The following TAF1 variants were observed in gnomAD, a reference collection of about 807,000 sequenced individuals.
TAF1 encodes transcription initiation factor TFIID subunit 1.
Under a neutral mutation model 138.5 loss-of-function variants are expected in TAF1, and 2 were observed. That is an observed-to-expected ratio of 0.01 (90% confidence interval 0.01 to 0.05). TAF1 has a LOEUF of 0.05. TAF1 is among the 10% of genes least tolerant of loss of function. TAF1 has a pLI of 1.00. For missense variants in TAF1, 709 were observed against 1,478.0 expected, an observed-to-expected ratio of 0.48 and a Z score of 8.53; for synonymous variants, 437 against 503.2, an observed-to-expected ratio of 0.87 and a Z score of 1.76.
intron 32 of TAF1, 143 bp downstream of exon 32, chrX:71,424,381 C>A: frequency 3.5e-6 from 1 of 289,234 alleles, no homozygotes; most frequent in Non-Finnish European, 5.8e-6. Context: ...GATCATAGTT[C>A]ACTGAACCAG....
chrX:71,506,362 C>T (rs368544185), intron 13 of TAF1, among the ~76,000 whole-genome samples: 78 of 99,545 alleles, frequency 7.8e-4, no homozygotes, highest in Middle Eastern at 5.2e-3. Flanking sequence ...CCAGCCTGGG[C>T]GACAGAGTGA....
intron 13 of TAF1, among the ~76,000 whole-genome samples, chrX:71,498,989 C>T (rs2039446119): frequency 9.0e-6 from 1 of 111,201 alleles, no homozygotes; most frequent in Non-Finnish European, 1.9e-5. Context: ...TTAAACATAC[C>T]CGGGGCTCAG....
At chrX:71,426,227 A>G (rs1268475999) in intron 32 of TAF1, among the ~76,000 whole-genome samples, 2 of 111,535 alleles carry the variant, frequency 1.8e-5, no homozygotes, top group Non-Finnish European at 3.8e-5. Context: ...GGCTCAAGCC[A>G]TCCTCCCATC....
rs909653743 is a variant in TAF1, at chrX:71,398,461, G to A, written c.3621-111G>A. On this transcript the variant is annotated intron_variant, in intron 23 of 37. Transcript: ENST00000423759. ...ATGGCATGTAGCCCCTTTTATCTTA[G>A]CCTGGATGGATTACTTTAGTCCTGA... 3 of 1,023,407 alleles carry A rather than the reference G, an allele frequency of 2.9e-6. No homozygotes were observed. In the African/African-American group the frequency reaches 5.7e-5, roughly 20 times the overall value. The allele number at this position is 1,023,407 out of a possible 1,213,427, so 84.3% of individuals were successfully genotyped here.
intron 29 of TAF1, among the ~76,000 whole-genome samples, chrX:71,422,395 TC>T (rs1334199452): frequency 9.3e-6 from 1 of 107,796 alleles, no homozygotes; most frequent in African/African-American, 3.4e-5. Flanking sequence ...TGACCTTGGC[TC>T]ACTGCAACCT....
At chrX:71,473,018 G>T (rs1023998145) in intron 13 of TAF1, among the ~76,000 whole-genome samples, 1 of 112,002 alleles carries the variant, frequency 8.9e-6, no homozygotes, top group African/African-American at 3.2e-5. Flanking sequence ...ATTTAGAAAG[G>T]GTTTTTTTTG....
At chrX:71,528,279 G>T in intron 13 of TAF1, 1 of 264,824 alleles carries the variant, frequency 3.8e-6, no homozygotes, top group Non-Finnish European at 7.0e-6. Context: ...TTATTTTGCA[G>T]GTTTTTTCAG....
intron 32 of TAF1, among the ~76,000 whole-genome samples, chrX:71,452,363 C>T (rs771384815): frequency 3.5e-3 from 375 of 107,901 alleles, no homozygotes; most frequent in African/African-American, 0.012. Context: ...CGGGCAGAGA[C>T]GCTCCTCACC....
chrX:71,402,464 C>G (rs2035230184), intron 25 of TAF1, among the ~76,000 whole-genome samples: 1 of 111,818 alleles, frequency 8.9e-6, no homozygotes, highest in Non-Finnish European at 1.9e-5. Context: ...GTCTCAAACT[C>G]TTGTCCTCAA....
intron 18 of TAF1, among the ~76,000 whole-genome samples, chrX:71,391,362 G>C (rs900671317): frequency 7.2e-5 from 8 of 110,886 alleles, no homozygotes; most frequent in Non-Finnish European, 1.3e-4. Context: ...TGAAAAATGA[G>C]TGGATATCTA....
At chrX:71,434,202 AAATT>A (rs1158779465) in intron 32 of TAF1, among the ~76,000 whole-genome samples, 1 of 111,789 alleles carries the variant, frequency 8.9e-6, no homozygotes, top group Non-Finnish European at 1.9e-5. Context: ...GTCTCTAAAA[AAATT>A]TTTTAAATTA....
At chrX:71,439,085 A>G (rs1327710322) in intron 32 of TAF1, among the ~76,000 whole-genome samples, 2 of 111,962 alleles carry the variant, frequency 1.8e-5, no homozygotes, top group Non-Finnish European at 3.8e-5. Context: ...TGATGACTCT[A>G]TTGTAGACAA....
In TAF1 at chrX:71,409,046, G is replaced by A. The variant is rs182416102; in HGVS notation, c.4384+895G>A. On this transcript the variant is annotated intron_variant, in intron 28 of 37. Coordinates refer to ENST00000423759, the MANE Select transcript of TAF1 (RefSeq NM_004606.5). ...AAAAAAAAAGAGAGAGAGACGTTCA[G>A]TGTGGATGGAACCTGTGTAGAGTAT... is the stretch of plus-strand genomic sequence containing the variant. Among the ~76,000 whole-genome samples the A allele has an allele frequency of 2.7e-5, 3 of 110,624 alleles. No individual in the cohort carries two copies. In the Admixed American group the frequency reaches 2.9e-4, roughly 11 times the overall value.
chrX:71,501,701 C>T (rs2039512832), intron 13 of TAF1, among the ~76,000 whole-genome samples: 1 of 110,386 alleles, frequency 9.1e-6, no homozygotes, highest in African/African-American at 3.3e-5. Flanking sequence ...AAAACTGACT[C>T]TCACAACTCT....
At chrX:71,467,598 A>G (rs1161321288), downstream of TAF1, among the ~76,000 whole-genome samples, 1 of 111,998 alleles carries the variant, frequency 8.9e-6, no homozygotes, top group African/African-American at 3.2e-5. Context: ...ATTAGGTTTA[A>G]CCATATGAAA....
At chrX:71,372,710 C>T (rs1158837654) in intron 3 of TAF1, among the ~76,000 whole-genome samples, 5 of 110,466 alleles carry the variant, frequency 4.5e-5, no homozygotes, top group African/African-American at 1.6e-4. Flanking sequence ...TGTTGTTAAA[C>T]CAGGCTTGCA....
rs770557068 is a variant in TAF1 at position 71,478,422 on chromosome X, G to A, written c.1366+17619G>A. 7.9e-4 allele frequency among the ~76,000 whole-genome samples: 87 copies of A among 110,584 alleles called. No individual in the cohort carries two copies. The Middle Eastern group carries it at 0.014, about 18-fold the overall frequency. The stretch of plus-strand genomic sequence containing the variant: ...CTGTAATCTCAATGCTTTGGGGGCC[G>A]AGGTAGGAGGATCACTTGAGCCCAG... On this transcript the variant is annotated intron_variant and NMD_transcript_variant, in intron 13 of 14. Transcript: ENST00000373775.
chrX:71,366,833 G>A (rs764251955), intron 1 of TAF1, among the ~76,000 whole-genome samples: 2 of 111,443 alleles, frequency 1.8e-5, no homozygotes, highest in South Asian at 7.5e-4. Flanking sequence ...TCTTGACACT[G>A]CCTGCCCCTC....
downstream of TAF1, among the ~76,000 whole-genome samples, chrX:71,470,424 C>T (rs1212504567): frequency 9.1e-6 from 1 of 109,373 alleles, no homozygotes; most frequent in African/African-American, 3.3e-5. Flanking sequence ...ATGTATTATG[C>T]GCATATATAT....
Sources: gnomAD v4.1 joint callset for allele counts (sites outside exome capture counted in the v4.1 genomes callset) on GRCh38, gnomAD v4.1.1 for gene constraint, MANE v1.5 for transcripts, NCBI Gene and HGNC (gene_info 2026-07-23, HGNC 2026-07-21) for gene names.